Variants in DPP6 observed in about 807,000 individuals in gnomAD.
The protein encoded by DPP6 is dipeptidyl peptidase like 6, also known as A-type potassium channel modulatory protein DPP6.
In DPP6, 69 loss-of-function variants were observed where a neutral mutation model predicts 122.6. The observed-to-expected ratio is 0.56, with a 90% CI of 0.46 to 0.69. The LOEUF is 0.69. Ranked by LOEUF, DPP6 falls within the 30% of genes least tolerant of loss-of-function variation. The pLI is 0.00. For missense variants in DPP6, 928 were observed against 1,116.9 expected (o/e 0.83, Z 2.41); for synonymous variants, 418 against 433.1 (o/e 0.97, Z 0.43).
chr7:154,377,631 G>T (rs953868286), intron 1 of DPP6, among the ~76,000 whole-genome samples: 2 of 151,966 alleles, frequency 1.3e-5, no homozygotes, highest in African/African-American at 4.8e-5. Flanking sequence ...TTCCCCCTTC[G>T]CTCTCTCTCA....
chr7:154,141,872 T>C (rs2170835), intron 1 of DPP6, among the ~76,000 whole-genome samples: 1 of 152,336 alleles, frequency 6.6e-6, no homozygotes, highest in South Asian at 2.1e-4. Context: ...TTAGTGTATA[T>C]CTGGATTTAA....
chr7:154,228,328 T>G (rs1800727557), intron 1 of DPP6, among the ~76,000 whole-genome samples: 1 of 152,206 alleles, frequency 6.6e-6, no homozygotes, highest in African/African-American at 2.4e-5. Flanking sequence ...GGTCCTTGGC[T>G]CATCAAACCA....
the DPP6 span, among the ~76,000 whole-genome samples, chr7:153,828,705 A>G: frequency 3.9e-5 from 6 of 152,194 alleles, no homozygotes; most frequent in Non-Finnish European, 5.9e-5. Flanking sequence ...AGTGGGGCTG[A>G]TAATTGAGAA....
At chr7:153,952,938 TA>T (rs371498107) in intron 1 of DPP6, among the ~76,000 whole-genome samples, 3 of 152,232 alleles carry the variant, frequency 2.0e-5, no homozygotes, top group African/African-American at 7.2e-5. Flanking sequence ...TAGTCAAGCA[TA>T]TCTTAATCCA....
the DPP6 span, among the ~76,000 whole-genome samples, chr7:153,845,887 C>T: frequency 6.6e-6 from 1 of 152,032 alleles, no homozygotes; most frequent in African/African-American, 2.4e-5. Flanking sequence ...CTGTAATGCC[C>T]AGGTTTGAAT....
At chr7:153,763,304 A>C in the DPP6 span, among the ~76,000 whole-genome samples, 11 of 150,464 alleles carry the variant, frequency 7.3e-5, no homozygotes, top group Admixed American at 2.0e-4. Context: ...ACCAAATAAA[A>C]CTGTTTTTGT....
intron 16 of DPP6, among the ~76,000 whole-genome samples, chr7:154,845,377 C>T (rs945066075): frequency 6.6e-6 from 1 of 152,134 alleles, no homozygotes; most frequent in Non-Finnish European, 1.5e-5. Context: ...TTAGAAAGCA[C>T]ACGGGAGAAA....
chr7:154,342,997 G>A (rs1010766097), intron 1 of DPP6, among the ~76,000 whole-genome samples: 2 of 152,200 alleles, frequency 1.3e-5, no homozygotes, highest in African/African-American at 4.8e-5. Flanking sequence ...TCACTTGAAG[G>A]CATTTCAAAC....
intron 1 of DPP6, among the ~76,000 whole-genome samples, chr7:154,064,154 C>T (rs954571301): frequency 1.3e-5 from 2 of 152,104 alleles, no homozygotes; most frequent in African/African-American, 4.8e-5. Flanking sequence ...TACCCTGTAC[C>T]CCCATACACC....
rs75311961 is a variant in DPP6, at chr7:154,599,928, G to A, written c.627+33012G>A. Among the ~76,000 whole-genome samples the A allele has an allele frequency of 3.1e-3, 464 of 151,994 alleles. 2 individuals carry two copies. Among genetic ancestry groups the A allele is most frequent in the Non-Finnish European group, 5.4e-3 (370 of 67,988 alleles). ...GCTCCAAAATGTTCTCTTCAGTCCC[G>A]CATGTTTTGGCAAACTTTCCTCTCT... On this transcript the variant is annotated intron_variant, in intron 5 of 25. Transcript: ENST00000377770.
chr7:154,477,279 C>T (rs1822833356), intron 3 of DPP6, among the ~76,000 whole-genome samples: 1 of 152,034 alleles, frequency 6.6e-6, no homozygotes, highest in Admixed American at 6.6e-5. Context: ...GCAGCACCAG[C>T]ACCACAGGCT....
chr7:153,816,621 T>C, the DPP6 span, among the ~76,000 whole-genome samples: 11 of 152,154 alleles, frequency 7.2e-5, no homozygotes, highest in Admixed American at 3.3e-4. Flanking sequence ...TATATGACAC[T>C]GAAAAGCAAA....
At chr7:154,250,587 T>A (rs577247942) in intron 1 of DPP6, among the ~76,000 whole-genome samples, 1 of 152,204 alleles carries the variant, frequency 6.6e-6, no homozygotes, top group Non-Finnish European at 1.5e-5. Flanking sequence ...TGTTTCTCCC[T>A]AGTTAGAAAG....
chr7:154,449,665 C>CA, intron 2 of DPP6, among the ~76,000 whole-genome samples: 1 of 151,848 alleles, frequency 6.6e-6, no homozygotes, highest in Non-Finnish European at 1.5e-5. Context: ...TGATAATAGC[C>CA]AAAAAAGTGA....
the DPP6 span, among the ~76,000 whole-genome samples, chr7:153,830,755 A>G: frequency 6.6e-6 from 1 of 152,230 alleles, no homozygotes. Context: ...CTTATGACTT[A>G]AGAAACAGAA....
chr7:154,892,153 A>C (rs1275550501), intron 25 of DPP6, among the ~76,000 whole-genome samples, 181 bp from the exon 26 acceptor site: 1 of 152,194 alleles, frequency 6.6e-6, no homozygotes, highest in African/African-American at 2.4e-5. Flanking sequence ...ACAGCCAGGC[A>C]GATCTCCCAG....
chr7:154,680,805 G>T (rs1420953049), intron 7 of DPP6, among the ~76,000 whole-genome samples: 1 of 152,044 alleles, frequency 6.6e-6, no homozygotes, highest in African/African-American at 2.4e-5. Flanking sequence ...GGCGCTTTTT[G>T]CAGAGAATCC....
chr7:154,221,454 G>C (rs923829772), intron 1 of DPP6, among the ~76,000 whole-genome samples: 1 of 151,998 alleles, frequency 6.6e-6, no homozygotes, highest in Non-Finnish European at 1.5e-5. Context: ...CACTGTGCTC[G>C]ACCCTCATTA....
chr7:154,664,275 T>C (rs1367955350), intron 6 of DPP6, among the ~76,000 whole-genome samples: 2 of 152,260 alleles, frequency 1.3e-5, no homozygotes, highest in Non-Finnish European at 2.9e-5. Context: ...GTATTGGCCC[T>C]AGTGTTCATG....
Sources: allele counts gnomAD v4.1 joint callset (sites outside exome capture counted in the v4.1 genomes callset), GRCh38; gene constraint gnomAD v4.1.1; transcripts MANE v1.5; gene names NCBI Gene and HGNC (gene_info 2026-07-23, HGNC 2026-07-21).